Variants in FRMD4A observed in about 807,000 individuals in gnomAD.
FRMD4A encodes the protein FERM domain-containing protein 4A.
FRMD4A carries 29 observed loss-of-function variants against 129.1 expected under a neutral mutation model. That is an observed-to-expected ratio of 0.22 (90% CI 0.17 to 0.31). The LOEUF (loss-of-function observed/expected upper bound fraction) is 0.31. Ranked by LOEUF, FRMD4A falls within the 10% of genes least tolerant of loss-of-function variation. The pLI, the probability that FRMD4A is intolerant of heterozygous loss-of-function variation, is 1.00. For missense variants in FRMD4A, 1,272 were observed against 1,375.8 expected (o/e 0.92, Z 1.19); for synonymous variants, 634 against 571.6 (o/e 1.11, Z -1.56).
chr10:13,656,640 C>G lies in FRMD4A; in HGVS notation c.2949G>C (p.Thr983=), dbSNP rs1032291954. 7.0e-7 allele frequency: 1 copy of G among 1,438,716 alleles called. No homozygotes were observed. The highest frequency in any genetic ancestry group is 1.5e-5 in the African/African-American group (1 of 68,642). 89.1% of individuals were successfully genotyped at this position (1,438,716 alleles called of 1,614,324 possible). ...VTRMPQMCKA[T]SAALPQSQRS... ...CACCTGGCCGCCCCCTCTCACCTGA[C>G]GTGGCCTTGCACATCTGGGGCATCC... The change falls in exon 22 of 25, where the codon ACG becomes ACC. Residue 983 remains threonine, a synonymous_variant. Coordinates refer to ENST00000357447, the MANE Select transcript of FRMD4A (RefSeq NM_018027.5).
intron 2 of FRMD4A, among the ~76,000 whole-genome samples, chr10:14,219,241 T>C (rs985373646): frequency 4.6e-5 from 7 of 152,120 alleles, no homozygotes; most frequent in African/African-American, 1.4e-4. Flanking sequence ...ACCACAGGCA[T>C]CTTGAGTCTC....
At chr10:14,082,397 A>G (rs1467045226) in intron 2 of FRMD4A, among the ~76,000 whole-genome samples, 1 of 152,206 alleles carries the variant, frequency 6.6e-6, no homozygotes, top group Admixed American at 6.5e-5. Context: ...AAGTAGGTTG[A>G]TGGAACTTAA....
intron 2 of FRMD4A, among the ~76,000 whole-genome samples, chr10:14,258,271 A>C (rs1844684255): frequency 6.6e-6 from 1 of 151,254 alleles, no homozygotes; most frequent in Non-Finnish European, 1.5e-5. Context: ...GGCAAGTCAC[A>C]GACTGGGAGA....
intron 5 of FRMD4A, 70 bp from the exon 6 acceptor site, chr10:13,783,076 A>G: frequency 2.7e-6 from 2 of 749,374 alleles, no homozygotes. Context: ...CTCTTGAGCT[A>G]CATGATTTGA....
chr10:13,902,734 G>T (rs760097510), intron 2 of FRMD4A, among the ~76,000 whole-genome samples: 4 of 151,882 alleles, frequency 2.6e-5, no homozygotes, highest in Non-Finnish European at 4.4e-5. Context: ...CAGCTACTTG[G>T]GAGGCTGAGG....
chr10:14,165,290 G>A (rs1589111733), intron 2 of FRMD4A, among the ~76,000 whole-genome samples: 1 of 152,272 alleles, frequency 6.6e-6, no homozygotes, highest in East Asian at 1.9e-4. Flanking sequence ...CATCAGAGAA[G>A]CACAAACCAA....
At chr10:14,014,304 T>A (rs922551882) in intron 2 of FRMD4A, among the ~76,000 whole-genome samples, 42 of 152,332 alleles carry the variant, frequency 2.8e-4, no homozygotes, top group African/African-American at 8.7e-4. Context: ...CTGACTCGAT[T>A]ATTACACATT....
rs1268431293 is a variant in FRMD4A, at chr10:13,878,851, G to GGAAGGAAGGAAGGAAGGAAC, written c.46-19940_46-19939insGTTCCTTCCTTCCTTCCTTC. On this transcript the variant is annotated intron_variant, in intron 2 of 24. Coordinates refer to ENST00000357447, the MANE Select transcript of FRMD4A (RefSeq NM_018027.5). ...AGGAAGGAAGGAAGGAAGGAAGGAA[G>GGAAGGAAGGAAGGAAGGAAC]GAACCTGGAAATGAGTCTGTGACTA... 6.0e-5 allele frequency among the ~76,000 whole-genome samples: 9 copies of GGAAGGAAGGAAGGAAGGAAC among 151,098 alleles called. No homozygotes were observed. The East Asian group carries it at 1.6e-3, about 26-fold the overall frequency.
chr10:14,087,204 C>T (rs1187300753), intron 2 of FRMD4A, among the ~76,000 whole-genome samples: 1 of 147,180 alleles, frequency 6.8e-6, no homozygotes, highest in East Asian at 2.0e-4. Context: ...TATATTTATA[C>T]ACTTATAGGA....
Position 13,942,942 on chromosome 10 carries a change from CA to C in FRMD4A, c.46-84031del, listed in dbSNP as rs1004062007. ...GTGAGACTCCATCTCAACAAAAAGGCAAAAAAAAAAGACCTATGTCTTTTGA... is the reference window on the plus strand; with the variant it reads ...GTGAGACTCCATCTCAACAAAAAGGCAAAAAAAAAGACCTATGTCTTTTGA... On this transcript the variant is annotated intron_variant, in intron 2 of 24. Transcript: ENST00000357447. Among the ~76,000 whole-genome samples, 38 of 150,658 alleles carry C rather than the reference CA, an allele frequency of 2.5e-4. 1 individual carries two copies. The highest frequency in any genetic ancestry group is 1.1e-3 in the Admixed American group (17 of 15,166).
Position 14,249,330 on chromosome 10 carries a change from C to T in FRMD4A, c.45+80728G>A, listed in dbSNP as rs187727918. 2.7e-3 allele frequency among the ~76,000 whole-genome samples: 392 copies of T among 146,310 alleles called. 3 individuals are homozygous for T. Among genetic ancestry groups the T allele is most frequent in the African/African-American group, 9.2e-3 (350 of 37,950 alleles). On this transcript the variant is annotated intron_variant, in intron 2 of 24. Coordinates refer to ENST00000357447, the MANE Select transcript of FRMD4A (RefSeq NM_018027.5). The stretch of plus-strand genomic sequence containing the variant: ...TCCTGCCACTGCACTCCAGCCTGAG[C>T]GACAGAGCAAGAATCTGTCTTAAAA...
chr10:13,787,918 A>G (rs980864350), intron 5 of FRMD4A, among the ~76,000 whole-genome samples: 2 of 151,708 alleles, frequency 1.3e-5, no homozygotes, highest in South Asian at 4.2e-4. Flanking sequence ...TTTTCAGGAG[A>G]GCCTCAGCAG....
intron 8 of FRMD4A, among the ~76,000 whole-genome samples, chr10:13,752,260 C>T (rs138683199): frequency 3.0e-4 from 45 of 152,128 alleles, no homozygotes; most frequent in South Asian, 8.3e-4. Context: ...ATACTCCTCA[C>T]GAAACAAGGA....
intron 2 of FRMD4A, among the ~76,000 whole-genome samples, chr10:14,252,861 A>G (rs1176536327): frequency 6.6e-6 from 1 of 152,242 alleles, no homozygotes. Context: ...TTCTAATTCC[A>G]TCATTCATTC....
intron 2 of FRMD4A, among the ~76,000 whole-genome samples, chr10:13,948,534 G>A (rs2095348896): frequency 2.0e-5 from 3 of 152,118 alleles, no homozygotes. Context: ...ATGAAGATGG[G>A]GAGGGGTTAG....
At chr10:14,144,542 C>G (rs889294094) in intron 2 of FRMD4A, among the ~76,000 whole-genome samples, 1 of 152,142 alleles carries the variant, frequency 6.6e-6, no homozygotes, top group African/African-American at 2.4e-5. Flanking sequence ...CTGCTTGAAA[C>G]CACCTCACTG....
At position 14,299,330 on chromosome 10, in the gene FRMD4A, C is replaced by T. The variant is rs564262114; in HGVS notation, c.45+30728G>A. Among the ~76,000 whole-genome samples the T allele has an allele frequency of 8.5e-5, 13 of 152,284 alleles. No individual in the cohort carries two copies. In the South Asian group the frequency reaches 1.0e-3, roughly 12 times the overall value. On this transcript the variant is annotated intron_variant, in intron 2 of 24. Transcript: ENST00000357447. ...TGGTTCAGCAGCAAGAACATGGCCA[C>T]GTGGGCTGGCCTGGGGAGAAGCTAT... is the stretch of plus-strand genomic sequence containing the variant.
chr10:13,790,444 G>T (rs10906486), intron 5 of FRMD4A, among the ~76,000 whole-genome samples: 85,115 of 151,778 alleles, frequency 0.56, 24,112 homozygotes, highest in Non-Finnish European at 0.6. Context: ...ACCAGGGGAA[G>T]GTGCAGGGAG....
At position 14,083,208 on chromosome 10, in the gene FRMD4A, T is replaced by C. The variant is rs773961656; in HGVS notation, c.46-224296A>G. On this transcript the variant is annotated intron_variant, in intron 2 of 24. Coordinates refer to ENST00000357447, the MANE Select transcript of FRMD4A (RefSeq NM_018027.5). ...TGAAAAAAGGCCATTGTAGTGACAT[T>C]TGAATGACAGCTGACATGTTTGAGC... The C allele has an allele frequency of 3.3e-5, 5 of 152,364 alleles. 1 individual carries two copies. 9.4% of individuals were successfully genotyped at this position (152,364 alleles called of 1,614,324 possible). A position where few individuals can be genotyped will look rare whatever the true frequency, so the allele number is the denominator to read the frequency against.
Sources: gnomAD v4.1 joint callset for allele counts (sites outside exome capture counted in the v4.1 genomes callset) on GRCh38, gnomAD v4.1.1 for gene constraint, MANE v1.5 for transcripts, NCBI Gene and HGNC (gene_info 2026-07-23, HGNC 2026-07-21) for gene names.